GALNT13: variants seen among roughly 807,000 people sequenced by gnomAD.
The protein encoded by GALNT13 is polypeptide N-acetylgalactosaminyltransferase 13.
In GALNT13, 28 loss-of-function variants were observed where a neutral mutation model predicts 64.2. The ratio of observed to expected loss-of-function variants is 0.44; its 90% CI spans 0.32 to 0.60. The LOEUF (loss-of-function observed/expected upper bound fraction) is 0.60, where lower values mean the gene tolerates loss of function less well. GALNT13 is among the 20% of genes least tolerant of loss of function. GALNT13 has a pLI of 0.05. For missense variants in GALNT13, 577 were observed against 669.8 expected (o/e 0.86, Z 1.53); for synonymous variants, 214 against 224.6 (o/e 0.95, Z 0.42).
chr2:153,817,512 G>C, the GALNT13 span, among the ~76,000 whole-genome samples: 1 of 152,104 alleles, frequency 6.6e-6, no homozygotes, highest in Admixed American at 6.5e-5. Flanking sequence ...GGTTTAGCCA[G>C]AATCTCCCTT....
intron 11 of GALNT13, among the ~76,000 whole-genome samples, chr2:154,417,513 A>ATTTTTTTTTTTT (rs1387223429): frequency 9.2e-5 from 12 of 130,352 alleles, no homozygotes; most frequent in African/African-American, 2.0e-4. Flanking sequence ...TTATTTATTT[A>ATTTTTTTTTTTT]TTTATTTATT....
chr2:154,157,984 G>A (rs767195198), intron 4 of GALNT13, among the ~76,000 whole-genome samples: 6 of 152,042 alleles, frequency 3.9e-5, no homozygotes, highest in Non-Finnish European at 8.8e-5. Flanking sequence ...AACCCCAAGC[G>A]TAGATATGTC....
chr2:153,854,810 C>T, the GALNT13 span, among the ~76,000 whole-genome samples: 926 of 152,080 alleles, frequency 6.1e-3, 10 homozygotes, highest in African/African-American at 0.021. Context: ...AACACGCTGC[C>T]TCTAAAATGT....
chr2:153,662,367 T>C, the GALNT13 span, among the ~76,000 whole-genome samples: 9 of 152,168 alleles, frequency 5.9e-5, no homozygotes, highest in African/African-American at 1.4e-4. Flanking sequence ...CATAAACTTA[T>C]ACAAAGCTTA....
the GALNT13 span, among the ~76,000 whole-genome samples, chr2:153,443,237 A>G: frequency 2.2e-4 from 34 of 152,174 alleles, no homozygotes; most frequent in Admixed American, 2.1e-3. Flanking sequence ...AAAGTGGAGT[A>G]TCTGGGCCGG....
the GALNT13 span, among the ~76,000 whole-genome samples, chr2:153,367,720 G>A: frequency 6.6e-6 from 1 of 152,010 alleles, no homozygotes; most frequent in Non-Finnish European, 1.5e-5. Context: ...ATTGTTCTAA[G>A]CTATTAAGTT....
chr2:153,661,549 A>G, the GALNT13 span, among the ~76,000 whole-genome samples: 1 of 152,236 alleles, frequency 6.6e-6, no homozygotes, highest in East Asian at 1.9e-4. Flanking sequence ...CAGTCTCCAA[A>G]CACCATCTAA....
chr2:154,401,543 G>A (rs952011791), intron 10 of GALNT13, among the ~76,000 whole-genome samples: 10 of 151,982 alleles, frequency 6.6e-5, no homozygotes, highest in Non-Finnish European at 1.5e-4. Flanking sequence ...AAAGTATGTT[G>A]GGCTAGGCAA....
chr2:153,861,538 CTCTTT>C, the GALNT13 span, among the ~76,000 whole-genome samples: 6 of 146,258 alleles, frequency 4.1e-5, no homozygotes, highest in Admixed American at 2.0e-4. Context: ...CTGATTTTTT[CTCTTT>C]TCTTTTTCTT....
At chr2:153,277,319 T>C in the GALNT13 span, among the ~76,000 whole-genome samples, 2 of 152,222 alleles carry the variant, frequency 1.3e-5, no homozygotes, top group African/African-American at 4.8e-5. Context: ...GCTTTTCAGT[T>C]CCTGTGTTAA....
At chr2:153,558,599 G>A in the GALNT13 span, among the ~76,000 whole-genome samples, 41,735 of 151,714 alleles carry the variant, frequency 0.28, 5,858 homozygotes, top group Middle Eastern at 0.3. Flanking sequence ...AAGTCCTTAT[G>A]TAGTGCTTTT....
chr2:153,567,171 C>A, the GALNT13 span, among the ~76,000 whole-genome samples: 2 of 152,162 alleles, frequency 1.3e-5, no homozygotes, highest in Admixed American at 6.5e-5. Flanking sequence ...TCTCATCTTG[C>A]GCCATCCTGA....
At chr2:153,168,820 T>C in the GALNT13 span, among the ~76,000 whole-genome samples, 1 of 152,214 alleles carries the variant, frequency 6.6e-6, no homozygotes, top group African/African-American at 2.4e-5. Flanking sequence ...TACCATATTG[T>C]TGAAGAGGAG....
At chr2:154,340,297 G>A (rs1359321131) in intron 9 of GALNT13, among the ~76,000 whole-genome samples, 2 of 151,690 alleles carry the variant, frequency 1.3e-5, no homozygotes, top group Admixed American at 6.6e-5. Context: ...ACTATGTTAC[G>A]CAGAGGGCCT....
intron 9 of GALNT13, among the ~76,000 whole-genome samples, chr2:154,349,032 T>G (rs970708766): frequency 2.6e-5 from 4 of 152,226 alleles, no homozygotes; most frequent in African/African-American, 9.6e-5. Flanking sequence ...CCAAATTATT[T>G]AAAATTACCA....
intron 2 of GALNT13, among the ~76,000 whole-genome samples, chr2:153,918,493 T>A (rs910794879): frequency 1.3e-5 from 2 of 152,026 alleles, no homozygotes; most frequent in Non-Finnish European, 2.9e-5. Context: ...CCACCACTCT[T>A]CTCCCTTCCT....
At chr2:153,293,601 T>A in the GALNT13 span, among the ~76,000 whole-genome samples, 1 of 152,286 alleles carries the variant, frequency 6.6e-6, no homozygotes, top group South Asian at 2.1e-4. Context: ...ACCTCCAGAA[T>A]TGTAAGACAA....
the GALNT13 span, among the ~76,000 whole-genome samples, chr2:153,164,169 A>T: frequency 1.3e-5 from 2 of 152,150 alleles, no homozygotes; most frequent in Non-Finnish European, 2.9e-5. Flanking sequence ...TTGGAATGGT[A>T]AAAATTTCTA....
At chr2:153,072,623 C>G in the GALNT13 span, among the ~76,000 whole-genome samples, 1 of 152,194 alleles carries the variant, frequency 6.6e-6, no homozygotes, top group African/African-American at 2.4e-5. Context: ...AAGTATATCG[C>G]TGGAAGGGAT....
Sources: allele counts gnomAD v4.1 joint callset (sites outside exome capture counted in the v4.1 genomes callset), GRCh38; gene constraint gnomAD v4.1.1; transcripts MANE v1.5; gene names NCBI Gene and HGNC (gene_info 2026-07-23, HGNC 2026-07-21).